Variants in PNPLA7 observed in about 807,000 individuals in gnomAD.
PNPLA7 encodes patatin like domain 7, lysophospholipase.
In PNPLA7, 153 loss-of-function variants were observed where a neutral mutation model predicts 161.7. The observed-to-expected ratio is 0.95, with a 90% confidence interval of 0.83 to 1.08. PNPLA7 has a LOEUF of 1.08. PNPLA7 is among the 50% of genes least tolerant of loss of function. PNPLA7 has a pLI of 0.00. For synonymous variants in PNPLA7, 809 were observed against 782.1 expected, an observed-to-expected ratio of 1.03 and a Z score of -0.57; for missense variants, 1,739 against 1,856.6, an observed-to-expected ratio of 0.94 and a Z score of 1.16.
chr9:137,467,231 T>G lies in PNPLA7; in HGVS notation c.3039+86A>C, dbSNP rs1047535065. ...GAGGGCAGGGCCCTGCAGAGCCACA[T>G]GCAGAGGCCAACGGCCCCAGCGTCC... is the stretch of plus-strand genomic sequence containing the variant. On this transcript the variant is annotated intron_variant, in intron 26 of 34. Coordinates refer to ENST00000406427, the MANE Select transcript of PNPLA7 (RefSeq NM_001098537.3). The surrounding 1 kb of genome is among the most constrained non-coding windows in gnomAD (Gnocchi z 5.1). The G allele has an allele frequency of 8.1e-6, 12 of 1,482,640 alleles. No individual in the cohort carries two copies. The African/African-American group carries it at 1.7e-4, about 21-fold the overall frequency. 91.8% of individuals were successfully genotyped at this position (1,482,640 alleles called of 1,614,324 possible).
chr9:137,481,720 T>C lies in PNPLA7; in HGVS notation c.2348-697A>G, dbSNP rs183675193. ...GCTCACGCCTGTAATCCCAGCACTT[T>C]GGGAGGCCAAGGGATCACGAGGTCA... On this transcript the variant is annotated intron_variant, in intron 21 of 34. Transcript: ENST00000406427. 2.2e-4 allele frequency among the ~76,000 whole-genome samples: 34 copies of C among 152,296 alleles called. No homozygotes were observed. The East Asian group carries it at 5.0e-3, about 23-fold the overall frequency.
intron 12 of PNPLA7, among the ~76,000 whole-genome samples, chr9:137,506,765 C>T (rs1833946152): frequency 2.0e-5 from 3 of 152,244 alleles, no homozygotes; most frequent in Non-Finnish European, 4.4e-5. Flanking sequence ...TATCTGACCT[C>T]TGGACCAGCT....
chr9:137,529,459 TATAA>T (rs756217879), intron 8 of PNPLA7, among the ~76,000 whole-genome samples: 2 of 152,190 alleles, frequency 1.3e-5, no homozygotes, highest in Non-Finnish European at 2.9e-5. Context: ...GGGTTTAGGA[TATAA>T]TTTTCCGGAG....
At chr9:137,545,118 C>T (rs750148134) in intron 4 of PNPLA7, among the ~76,000 whole-genome samples, 20 of 152,048 alleles carry the variant, frequency 1.3e-4, no homozygotes, top group East Asian at 3.9e-4. Context: ...GGGAGGCCTC[C>T]GACAGCCCAA....
At position 137,544,907 on chromosome 9, in the gene PNPLA7, C is replaced by G. The variant is rs1032731120; in HGVS notation, c.274-1092G>C. On this transcript the variant is annotated intron_variant, in intron 4 of 34. Transcript: ENST00000406427. ...TCATGATCCGCCCACCTCAGCCTCTCAAAGTGCTGAGAGTACAGGCGTGAG... is the reference window on the plus strand; with the variant it reads ...TCATGATCCGCCCACCTCAGCCTCTGAAAGTGCTGAGAGTACAGGCGTGAG... Among the ~76,000 whole-genome samples the G allele has an allele frequency of 2.6e-5, 4 of 152,194 alleles. No homozygotes were observed. In the East Asian group the frequency reaches 5.8e-4, roughly 22 times the overall value.
At chr9:137,483,517 C>A (rs944619543) in intron 21 of PNPLA7, among the ~76,000 whole-genome samples, 2 of 151,960 alleles carry the variant, frequency 1.3e-5, no homozygotes, top group Non-Finnish European at 2.9e-5. Context: ...TGCAGTGGTG[C>A]GATCTAGGCT....
Position 137,541,360 on chromosome 9 carries a change from C to T in PNPLA7, c.667-638G>A. 2 of 948,808 alleles carry T rather than the reference C, an allele frequency of 2.1e-6. No homozygotes were observed. Among genetic ancestry groups the T allele is most frequent in the Non-Finnish European group, 2.5e-6 (2 of 796,618 alleles). The allele number at this position is 948,808 out of a possible 1,614,324, so 58.8% of individuals were successfully genotyped here. A position where few individuals can be genotyped will look rare whatever the true frequency, so the allele number is the denominator to read the frequency against. ...AGGAGCTACTGGCTCCAGCTTCCCC[C>T]AAGCCCCTTTCCCTTCTAATAACCC... On this transcript the variant is annotated intron_variant, in intron 7 of 34. Transcript: ENST00000406427. This position sits in a 1 kb window ranked among gnomAD's most constrained non-coding sequence, Gnocchi z 4.4.
chr9:137,529,892 CAT>C (rs1835494616), intron 8 of PNPLA7, among the ~76,000 whole-genome samples: 1 of 151,950 alleles, frequency 6.6e-6, no homozygotes, highest in Non-Finnish European at 1.5e-5. Context: ...CTCCTGACCT[CAT>C]GTGATCCGCC....
intron 4 of PNPLA7, among the ~76,000 whole-genome samples, chr9:137,546,159 T>A (rs1836511853): frequency 6.6e-6 from 1 of 152,178 alleles, no homozygotes; most frequent in African/African-American, 2.4e-5. Context: ...AAGTCTCTGA[T>A]ATGCAGAAAT....
intron 12 of PNPLA7, chr9:137,509,827 A>G (rs546134141): frequency 4.0e-5 from 17 of 420,412 alleles, no homozygotes; most frequent in Middle Eastern, 4.4e-4. Flanking sequence ...GTTCCAGTAT[A>G]ATAAAATATA....
rs1835941486 is a variant in PNPLA7 at position 137,537,219 on chromosome 9, G to A, written c.747+3423C>T. Among the ~76,000 whole-genome samples the A allele has an allele frequency of 6.6e-6, 1 of 152,178 alleles. No individual in the cohort carries two copies. On this transcript the variant is annotated intron_variant, in intron 8 of 34. Transcript: ENST00000406427. The surrounding 1 kb of genome is among the most constrained non-coding windows in gnomAD (Gnocchi z 4.5). ...GTTATTTTGCAAGAATTTAAGTTTT[G>A]TTAAAATGACAAACACAAAAGTTTG...
rs1836198326 is a variant in PNPLA7, at chr9:137,541,463, C to T, written c.667-741G>A. Reference sequence around the variant, plus strand: ...CAGCAGCGCTTTTGGTCTAGAAACCCCGACAGGCAGTGCCGGAGCTGGCGT... The same window carrying T: ...CAGCAGCGCTTTTGGTCTAGAAACCTCGACAGGCAGTGCCGGAGCTGGCGT... On this transcript the variant is annotated intron_variant, in intron 7 of 34. Transcript: ENST00000406427. This position sits in a 1 kb window ranked among gnomAD's most constrained non-coding sequence, Gnocchi z 4.4. 2 of 985,348 alleles carry T rather than the reference C, an allele frequency of 2.0e-6. No individual in the cohort carries two copies. Among genetic ancestry groups the T allele is most frequent in the Non-Finnish European group, 2.4e-6 (2 of 829,950 alleles). 61.0% of individuals were successfully genotyped at this position (985,348 alleles called of 1,614,324 possible). A position where few individuals can be genotyped will look rare whatever the true frequency, so the allele number is the denominator to read the frequency against.
intron 4 of PNPLA7, among the ~76,000 whole-genome samples, chr9:137,545,610 T>TA (rs766439616): frequency 4.6e-5 from 7 of 152,254 alleles, no homozygotes; most frequent in East Asian, 1.9e-4. Context: ...AGATCTTAGA[T>TA]ATGATTATAT....
intron 8 of PNPLA7, among the ~76,000 whole-genome samples, chr9:137,530,958 C>T (rs1281953910): frequency 1.3e-5 from 2 of 152,178 alleles, no homozygotes; most frequent in African/African-American, 2.4e-5. Context: ...CTCAGGCCTG[C>T]TGCGGGCCCC....
At position 137,500,075 on chromosome 9, in the gene PNPLA7, G is replaced by C. The variant is rs566805121; in HGVS notation, c.1757+616C>G. Among the ~76,000 whole-genome samples the C allele has an allele frequency of 5.9e-5, 9 of 152,364 alleles. No individual in the cohort carries two copies. In the South Asian group the frequency reaches 1.9e-3, roughly 32 times the overall value. The stretch of plus-strand genomic sequence containing the variant: ...GCGGCTCTGCCAGGCAGCCACAGGC[G>C]GGCCGAGGGCAGCTCTGGGCCTGGA... On this transcript the variant is annotated intron_variant, in intron 16 of 34. Transcript: ENST00000406427. This position sits in a 1 kb window ranked among gnomAD's most constrained non-coding sequence, Gnocchi z 5.5.
chr9:137,545,805 G>GA (rs779153237), intron 4 of PNPLA7, among the ~76,000 whole-genome samples: 9 of 152,246 alleles, frequency 5.9e-5, no homozygotes, highest in East Asian at 5.8e-4. Context: ...AGGGCCACCA[G>GA]AGGGCTCCTT....
At position 137,460,373 on chromosome 9, in the gene PNPLA7, G is replaced by C. The variant is rs543672847; in HGVS notation, c.*20C>G. 2.5e-6 allele frequency: 4 copies of C among 1,605,906 alleles called. No individual in the cohort carries two copies. The highest frequency in any genetic ancestry group is 1.3e-5 in the African/African-American group (1 of 74,742). ...CAGTCCCACGGAAGACGCTGCATCCGGGCTCTTTAGCAGAGGCCTCTACCC... is the reference window on the plus strand; with the variant it reads ...CAGTCCCACGGAAGACGCTGCATCCCGGCTCTTTAGCAGAGGCCTCTACCC... On this transcript the variant is annotated 3_prime_UTR_variant, in exon 35 of 35. Coordinates refer to ENST00000406427, the MANE Select transcript of PNPLA7 (RefSeq NM_001098537.3).
intron 6 of PNPLA7, 85 bp from the exon 7 acceptor site, chr9:137,542,886 G>T (rs1836285997): frequency 1.4e-6 from 2 of 1,441,482 alleles, no homozygotes; most frequent in Non-Finnish European, 1.9e-6. Context: ...CACGGTCACT[G>T]ACCCCACTGG....
At chr9:137,462,131 C>T in intron 31 of PNPLA7, 48 bp downstream of exon 31, 2 of 1,530,888 alleles carry the variant, frequency 1.3e-6, no homozygotes, top group Non-Finnish European at 1.8e-6. Context: ...GGGGCAGCCA[C>T]CAGAGTGCCT....
Sources: allele counts gnomAD v4.1 joint callset (sites outside exome capture counted in the v4.1 genomes callset), GRCh38; gene constraint gnomAD v4.1.1; non-coding constraint Gnocchi (gnomAD v3.1); transcripts MANE v1.5; gene names NCBI Gene and HGNC (gene_info 2026-07-23, HGNC 2026-07-21).